Variants in PPP1R9A observed in about 807,000 individuals in gnomAD.
The protein encoded by PPP1R9A is protein phosphatase 1 regulatory subunit 9A.
Under a neutral mutation model 141.9 loss-of-function variants are expected in PPP1R9A, and 59 were observed. The observed-to-expected ratio is 0.42, with a 90% CI of 0.34 to 0.52. The LOEUF is 0.52. PPP1R9A is among the 20% of genes least tolerant of loss of function. The pLI is 0.10. For synonymous variants in PPP1R9A, 500 were observed against 569.7 expected (o/e 0.88, Z 1.74); for missense variants, 1,444 against 1,611.9 (o/e 0.90, Z 1.78).
chr7:94,917,267 T>C (rs1453440530), intron 2 of PPP1R9A, among the ~76,000 whole-genome samples: 1 of 152,204 alleles, frequency 6.6e-6, no homozygotes, highest in African/African-American at 2.4e-5. Context: ...TTTTCTAAAA[T>C]CCAGAGGTAT....
At chr7:95,279,210 A>G (rs1803710326) in intron 16 of PPP1R9A, among the ~76,000 whole-genome samples, 1 of 152,212 alleles carries the variant, frequency 6.6e-6, no homozygotes, top group African/African-American at 2.4e-5. Context: ...GCTTTAGATA[A>G]ATCATGGCAT....
At chr7:94,964,280 G>A (rs573839600) in intron 2 of PPP1R9A, among the ~76,000 whole-genome samples, 17 of 152,114 alleles carry the variant, frequency 1.1e-4, no homozygotes, top group Middle Eastern at 3.4e-3. Context: ...CAGGGACATA[G>A]GCTTTCTTTT....
chr7:94,939,046 C>G (rs942035650), intron 2 of PPP1R9A, among the ~76,000 whole-genome samples: 1 of 151,858 alleles, frequency 6.6e-6, no homozygotes, highest in South Asian at 2.1e-4. Context: ...GATGCTCAGC[C>G]AGGAATTCAT....
Position 94,939,413 on chromosome 7 carries a change from A to G in PPP1R9A, c.1395+27905A>G, listed in dbSNP as rs192691433. On this transcript the variant is annotated intron_variant, in intron 2 of 19. Transcript: ENST00000433360. ...AATAAATGAAACAGAGTAACACTGA[A>G]CTGGAGGAATTTGCTTCTTAGCAGA... Among the ~76,000 whole-genome samples the G allele has an allele frequency of 1.5e-3, 224 of 152,224 alleles. 2 individuals are homozygous for G. The highest frequency in any genetic ancestry group is 1.9e-3 in the Non-Finnish European group (128 of 67,996).
intron 18 of PPP1R9A, among the ~76,000 whole-genome samples, chr7:95,287,340 G>A (rs1805541298): frequency 6.6e-6 from 1 of 152,118 alleles, no homozygotes; most frequent in East Asian, 1.9e-4. Flanking sequence ...TCTCCGCATT[G>A]CACCTCCAGA....
intron 8 of PPP1R9A, among the ~76,000 whole-genome samples, chr7:95,245,915 C>T (rs929891108): frequency 2.0e-5 from 3 of 152,096 alleles, no homozygotes; most frequent in African/African-American, 7.2e-5. Context: ...GCAAGATGGC[C>T]AGAGTGACCA....
Position 95,120,757 on chromosome 7 carries a change from C to A in PPP1R9A, c.1574C>A (p.Ala525Glu), listed in dbSNP as rs776443575. The change falls in exon 4 of 20, where the codon GCA becomes GAA. Residue 525 changes from alanine to glutamate, a missense_variant. By Grantham distance (107) the Ala-to-Glu change is moderately radical. This residue lies in a region of PPP1R9A where 488 missense variants were observed against 542.0 expected (regional missense o/e 0.90). Transcript: ENST00000433360. ...GISIIGMGVGADAGLEKLGIF... is the reference protein window; with the variant it reads ...GISIIGMGVGEDAGLEKLGIF... ...AGTATTATTGGAATGGGTGTTGGAG[C>A]AGATGCTGGACTTGAAAAGCTGGGA... The A allele has an allele frequency of 6.2e-7, 1 of 1,613,906 alleles. No homozygotes were observed. Among genetic ancestry groups the A allele is most frequent in the Non-Finnish European group, 8.5e-7 (1 of 1,179,878 alleles).
rs116515591 is a variant in PPP1R9A, at chr7:95,004,833, G to A, written c.1395+93325G>A. On this transcript the variant is annotated intron_variant, in intron 2 of 19. Coordinates refer to ENST00000433360, the MANE Select transcript of PPP1R9A (RefSeq NM_001166160.2). The stretch of plus-strand genomic sequence containing the variant: ...ACTTCATCCAGCTTTGCTGCTGCAC[G>A]TTGTCATGGTGAAGGGGAAGGACAC... 7.4e-3 allele frequency among the ~76,000 whole-genome samples: 1,127 copies of A among 152,266 alleles called. 18 individuals carry two copies. The highest frequency in any genetic ancestry group is 0.025 in the African/African-American group (1,048 of 41,550).
At chr7:95,209,433 C>T (rs749216091) in intron 7 of PPP1R9A, among the ~76,000 whole-genome samples, 6 of 152,012 alleles carry the variant, frequency 3.9e-5, no homozygotes, top group South Asian at 2.1e-4. Flanking sequence ...TTGTGGGAAG[C>T]GGTTACATGC....
chr7:95,063,021 C>G (rs1337245531), intron 2 of PPP1R9A, among the ~76,000 whole-genome samples: 2 of 151,982 alleles, frequency 1.3e-5, no homozygotes, highest in Non-Finnish European at 2.9e-5. Context: ...AGCTGAAAGT[C>G]TAATGTGAAA....
intron 2 of PPP1R9A, among the ~76,000 whole-genome samples, chr7:94,921,362 G>A (rs1372873663): frequency 6.6e-6 from 1 of 151,746 alleles, no homozygotes; most frequent in Non-Finnish European, 1.5e-5. Context: ...CAGGAGAATG[G>A]CGTGAACCCG....
intron 2 of PPP1R9A, among the ~76,000 whole-genome samples, chr7:94,977,149 T>G (rs1419694385): frequency 6.6e-6 from 1 of 152,172 alleles, no homozygotes; most frequent in Non-Finnish European, 1.5e-5. Flanking sequence ...TTTTACATAT[T>G]AAACTTGAGG....
chr7:95,103,395 C>T (rs1261123089), intron 2 of PPP1R9A, among the ~76,000 whole-genome samples: 1 of 51,796 alleles, frequency 1.9e-5, no homozygotes, highest in African/African-American at 7.1e-5. Context: ...CAGTCTCGCT[C>T]TGTTGCCCAG....
At chr7:94,922,300 A>G (rs1318917390) in intron 2 of PPP1R9A, among the ~76,000 whole-genome samples, 1 of 151,938 alleles carries the variant, frequency 6.6e-6, no homozygotes, top group Non-Finnish European at 1.5e-5. Context: ...AGTTTTATTT[A>G]TATGCTTTGT....
intron 6 of PPP1R9A, chr7:95,202,524 T>C: frequency 8.7e-6 from 5 of 577,552 alleles, no homozygotes; most frequent in Non-Finnish European, 1.0e-5. Flanking sequence ...TGATCACTTG[T>C]TTTTTTTTTC....
intron 2 of PPP1R9A, among the ~76,000 whole-genome samples, chr7:94,929,305 C>T (rs1793871574): frequency 6.6e-6 from 1 of 152,110 alleles, no homozygotes; most frequent in Non-Finnish European, 1.5e-5. Flanking sequence ...CTGAGAGTTG[C>T]ATTGCAATAG....
At chr7:95,014,768 T>TATTTACTA in intron 2 of PPP1R9A, among the ~76,000 whole-genome samples, 1 of 152,092 alleles carries the variant, frequency 6.6e-6, no homozygotes, top group Non-Finnish European at 1.5e-5. Flanking sequence ...GTCACTTCCG[T>TATTTACTA]ATTTACTAAT....
intron 2 of PPP1R9A, chr7:95,035,900 C>T (rs1040462114): frequency 1.3e-5 from 2 of 152,160 alleles, no homozygotes; most frequent in Non-Finnish European, 2.9e-5. Context: ...TATGTGGAGA[C>T]TTGCCTGAAT....
chr7:95,229,229 A>G (rs1436257270), intron 8 of PPP1R9A, among the ~76,000 whole-genome samples: 1 of 151,920 alleles, frequency 6.6e-6, no homozygotes, highest in Non-Finnish European at 1.5e-5. Flanking sequence ...CCCAAGAACT[A>G]CCACAGGAAA....
Sources: allele counts gnomAD v4.1 joint callset (sites outside exome capture counted in the v4.1 genomes callset), GRCh38; gene constraint gnomAD v4.1.1; regional missense constraint gnomAD v4.1.1; transcripts MANE v1.5; gene names NCBI Gene and HGNC (gene_info 2026-07-23, HGNC 2026-07-21).